The following RNF216 variants were observed in gnomAD, a reference collection of about 807,000 sequenced individuals.
RNF216 encodes the protein E3 ubiquitin-protein ligase RNF216.
A neutral mutation model predicts 110.8 loss-of-function variants in RNF216; 72 were observed. That is an observed-to-expected ratio of 0.65 (90% CI 0.54 to 0.79). The LOEUF (loss-of-function observed/expected upper bound fraction) is 0.79. Ranked by LOEUF, RNF216 falls within the 30% of genes least tolerant of loss-of-function variation. The pLI is 0.00. For missense variants in RNF216, 1,342 were observed against 1,141.2 expected (o/e 1.18, Z -2.54); for synonymous variants, 495 against 407.5 (o/e 1.21, Z -2.59).
chr7:5,766,642 G>A (rs901325020), intron 1 of RNF216, among the ~76,000 whole-genome samples: 1 of 152,206 alleles, frequency 6.6e-6, no homozygotes. Flanking sequence ...CCAGAACTGT[G>A]AGAAAATAAA....
chr7:5,623,274 T>C lies in RNF216; in HGVS notation c.2453-95A>G, dbSNP rs1786505555. ...GGGCAGCGACCTCTGGACACGGGAGTGGCTCCACATGCTGATCAAAGCACA... is the reference window on the plus strand; with the variant it reads ...GGGCAGCGACCTCTGGACACGGGAGCGGCTCCACATGCTGATCAAAGCACA... On this transcript the variant is annotated intron_variant, in intron 16 of 16. Coordinates refer to ENST00000389902, the MANE Select transcript of RNF216 (RefSeq NM_207111.4). 6.2e-6 allele frequency: 7 copies of C among 1,126,052 alleles called. 1 individual carries two copies. In the South Asian group the frequency reaches 8.1e-5, roughly 13 times the overall value. 69.8% of individuals were successfully genotyped at this position (1,126,052 alleles called of 1,614,324 possible). A position where few individuals can be genotyped will look rare whatever the true frequency, so the allele number is the denominator to read the frequency against.
chr7:5,741,719 T>G lies in RNF216; in HGVS notation c.298A>C (p.Arg100=), dbSNP rs762099941. The G allele has an allele frequency of 6.2e-7, 1 of 1,614,236 alleles. No individual in the cohort carries two copies. Among genetic ancestry groups the G allele is most frequent in the Non-Finnish European group, 8.5e-7 (1 of 1,180,038 alleles). ...RLGEERPKKS[R]AAFESDKSSY... ...CTCTTATCTGATTCAAATGCTGCTCTAGACTTTTTAGGCCTTTCTTCTCCC... is the reference window on the plus strand; with the variant it reads ...CTCTTATCTGATTCAAATGCTGCTCGAGACTTTTTAGGCCTTTCTTCTCCC... Residue 100 remains arginine, a synonymous_variant, in exon 4 of 17, where the codon AGA becomes CGA. Transcript: ENST00000389902.
At chr7:5,634,782 A>G (rs1787297395) in intron 15 of RNF216, among the ~76,000 whole-genome samples, 1 of 152,232 alleles carries the variant, frequency 6.6e-6, no homozygotes, top group African/African-American at 2.4e-5. Flanking sequence ...TCTGCTGAAG[A>G]CATGTAGCAA....
chr7:5,704,010 A>G (rs1205686477), intron 13 of RNF216, among the ~76,000 whole-genome samples: 1 of 152,210 alleles, frequency 6.6e-6, no homozygotes, highest in Non-Finnish European at 1.5e-5. Flanking sequence ...CACCCAATTC[A>G]TTCCTAAAAG....
At chr7:5,766,838 C>G (rs979147521) in intron 1 of RNF216, 2 of 152,132 alleles carry the variant, frequency 1.3e-5, no homozygotes, top group Admixed American at 1.3e-4. Flanking sequence ...AAAGGTGAAA[C>G]TAAAATTCTA....
intron 13 of RNF216, among the ~76,000 whole-genome samples, chr7:5,678,551 G>T: frequency 6.6e-6 from 1 of 152,176 alleles, no homozygotes; most frequent in East Asian, 1.9e-4. Context: ...TTACTAAAGT[G>T]ACCTCAGGTG....
chr7:5,637,800 C>T (rs1787483014), intron 15 of RNF216, among the ~76,000 whole-genome samples: 1 of 152,172 alleles, frequency 6.6e-6, no homozygotes, highest in Non-Finnish European at 1.5e-5. Context: ...CTTGGGCTCT[C>T]GAAGTGCTGG....
chr7:5,732,094 G>C (rs951953127), intron 5 of RNF216, among the ~76,000 whole-genome samples: 5 of 152,094 alleles, frequency 3.3e-5, no homozygotes, highest in African/African-American at 1.2e-4. Context: ...GAGGCCCAAA[G>C]AGAGGAAAAA....
At chr7:5,672,850 G>A (rs1168151306) in intron 13 of RNF216, among the ~76,000 whole-genome samples, 1 of 152,044 alleles carries the variant, frequency 6.6e-6, no homozygotes, top group African/African-American at 2.4e-5. Flanking sequence ...TAGGACACAG[G>A]GACACAGGCA....
intron 9 of RNF216, among the ~76,000 whole-genome samples, chr7:5,720,747 A>T (rs1584509212): frequency 6.6e-6 from 1 of 152,214 alleles, no homozygotes; most frequent in Non-Finnish European, 1.5e-5. Context: ...ATTTGATACT[A>T]TATTTAGAAA....
At chr7:5,711,725 T>G (rs1476801874) in intron 13 of RNF216, 36 bp downstream of exon 13, 1 of 1,568,604 alleles carries the variant, frequency 6.4e-7, no homozygotes, top group Non-Finnish European at 8.7e-7. Context: ...AATACCATAA[T>G]TCAATATACA....
intron 13 of RNF216, among the ~76,000 whole-genome samples, chr7:5,659,933 A>G (rs76535405): frequency 0.067 from 10,005 of 149,420 alleles, 504 homozygotes; most frequent in African/African-American, 0.13. Context: ...TCTTCTTAAT[A>G]TTTTAATTAC....
chr7:5,777,633 T>C (rs1219259921), intron 1 of RNF216: 1 of 152,194 alleles, frequency 6.6e-6, no homozygotes, highest in Non-Finnish European at 1.5e-5. Flanking sequence ...GTGATGCTAT[T>C]AAGGAAGAAC....
intron 15 of RNF216, among the ~76,000 whole-genome samples, chr7:5,636,389 T>C (rs752145566): frequency 1.6e-4 from 25 of 152,250 alleles, no homozygotes; most frequent in Non-Finnish European, 3.1e-4. Flanking sequence ...AGAAAGTTAC[T>C]GTTCACCACT....
At chr7:5,771,710 T>C (rs1796502617) in intron 1 of RNF216, among the ~76,000 whole-genome samples, 1 of 151,980 alleles carries the variant, frequency 6.6e-6, no homozygotes, top group South Asian at 2.1e-4. Context: ...GGTGGGAAGA[T>C]CTCTTGAGCT....
chr7:5,749,244 G>C (rs939313063), intron 3 of RNF216, among the ~76,000 whole-genome samples: 2 of 151,204 alleles, frequency 1.3e-5, no homozygotes, highest in Non-Finnish European at 2.9e-5. Context: ...TCCATCTCCT[G>C]GGTTTAAGCG....
chr7:5,674,629 TAAACA>T (rs1291028262), intron 13 of RNF216, among the ~76,000 whole-genome samples: 1 of 144,604 alleles, frequency 6.9e-6, no homozygotes, highest in Non-Finnish European at 1.5e-5. Context: ...GTTTCAAAAC[TAAACA>T]AAACAAAACA....
chr7:5,711,321 G>A (rs1792672386), intron 13 of RNF216, among the ~76,000 whole-genome samples: 1 of 152,182 alleles, frequency 6.6e-6, no homozygotes, highest in African/African-American at 2.4e-5. Flanking sequence ...ATGTGATGGA[G>A]ATGCCACTAA....
At chr7:5,742,838 G>A (rs959387924) in intron 3 of RNF216, among the ~76,000 whole-genome samples, 1 of 151,630 alleles carries the variant, frequency 6.6e-6, no homozygotes, top group Non-Finnish European at 1.5e-5. Context: ...TCAGATGACT[G>A]GCCCACCTCA....
Sources: allele counts gnomAD v4.1 joint callset (sites outside exome capture counted in the v4.1 genomes callset), GRCh38; gene constraint gnomAD v4.1.1; transcripts MANE v1.5; gene names NCBI Gene and HGNC (gene_info 2026-07-23, HGNC 2026-07-21).